The following PCDHGA5 variants were observed in gnomAD, a reference collection of about 807,000 sequenced individuals.
PCDHGA5 encodes the protein protocadherin gamma-A5.
Under a neutral mutation model 56.7 loss-of-function variants are expected in PCDHGA5, and 36 were observed. The observed-to-expected ratio is 0.64, with a 90% CI of 0.49 to 0.84. PCDHGA5 has a LOEUF of 0.84. PCDHGA5 is among the 40% of genes least tolerant of loss of function. PCDHGA5 has a pLI of 0.00. For missense variants in PCDHGA5, 1,305 were observed against 1,201.5 expected, an observed-to-expected ratio of 1.09 and a Z score of -1.27; for synonymous variants, 563 against 520.2, an observed-to-expected ratio of 1.08 and a Z score of -1.12.
chr5:141,376,859 T>C, intron 1 of PCDHGA5: 1 of 231,414 alleles, frequency 4.3e-6, no homozygotes, highest in South Asian at 6.4e-5. Context: ...GCTAATTTTT[T>C]TGTATTTTTA....
intron 1 of PCDHGA5, chr5:141,382,771 A>G: frequency 1.3e-6 from 1 of 753,180 alleles, no homozygotes; most frequent in Non-Finnish European, 2.1e-6. Flanking sequence ...TCCAGGCTGC[A>G]CTAAACTCAA....
chr5:141,489,723 T>C lies in PCDHGA5; in HGVS notation c.2422-5084T>C, dbSNP rs900332220. ...CACTGGACAGTGCCCAGGATCCGGA[T>C]GTGGGCACCAATACTGTGAGCTTTT... On this transcript the variant is annotated intron_variant, in intron 1 of 3. Coordinates refer to ENST00000518069, the MANE Select transcript of PCDHGA5 (RefSeq NM_018918.3). This position sits in a 1 kb window ranked among gnomAD's most constrained non-coding sequence, Gnocchi z 4.5. 4.3e-6 allele frequency: 7 copies of C among 1,613,958 alleles called. No homozygotes were observed. The highest frequency in any genetic ancestry group is 5.9e-6 in the Non-Finnish European group (7 of 1,179,940).
chr5:141,374,528 T>A (rs759567011), intron 1 of PCDHGA5: 1 of 1,613,048 alleles, frequency 6.2e-7, no homozygotes. Flanking sequence ...CGCAGCTCCA[T>A]CCTCTCGTTT....
intron 1 of PCDHGA5, among the ~76,000 whole-genome samples, chr5:141,381,361 G>T (rs1050283609): frequency 2.0e-5 from 3 of 152,198 alleles, no homozygotes; most frequent in Non-Finnish European, 4.4e-5. Context: ...CTAGCAGAGG[G>T]TAGCCTCGGA....
chr5:141,399,617 TGGCCTCTTACGTGTCCATGAGC>T, intron 1 of PCDHGA5: 4 of 1,613,944 alleles, frequency 2.5e-6, no homozygotes. Flanking sequence ...CCTCTGGCAC[TGGCCTCTTACGTGTCCATGAGC>T]GCGCAAAGTG....
chr5:141,392,804 CA>C (rs1345839746), intron 1 of PCDHGA5: 1 of 1,573,894 alleles, frequency 6.4e-7, no homozygotes, highest in African/African-American at 1.4e-5. Flanking sequence ...GATTCTGCAG[CA>C]AAACAACAAT....
At chr5:141,404,855 A>G (rs370062374) in intron 1 of PCDHGA5, 13 of 1,613,704 alleles carry the variant, frequency 8.1e-6, no homozygotes, top group African/African-American at 2.7e-5. Flanking sequence ...CCTGCTAGAT[A>G]GAGATGCGCT....
intron 1 of PCDHGA5, chr5:141,389,630 T>G: frequency 6.2e-7 from 1 of 1,612,990 alleles, no homozygotes; most frequent in South Asian, 1.1e-5. Context: ...CTGCAGAGCC[T>G]GGCTACTTGG....
At chr5:141,390,066 G>A (rs2092035559) in intron 1 of PCDHGA5, 2 of 1,614,052 alleles carry the variant, frequency 1.2e-6, no homozygotes, top group East Asian at 2.2e-5. Flanking sequence ...CTTCCAGCCT[G>A]GTCTCTGTGT....
intron 1 of PCDHGA5, chr5:141,427,300 A>G: frequency 2.2e-6 from 1 of 456,912 alleles, no homozygotes; most frequent in Non-Finnish European, 4.4e-6. Flanking sequence ...CTAGATGAGA[A>G]TGACAATGCC....
At chr5:141,444,473 G>C (rs943971075) in intron 1 of PCDHGA5, among the ~76,000 whole-genome samples, 6 of 151,972 alleles carry the variant, frequency 3.9e-5, no homozygotes, top group South Asian at 2.1e-4. Flanking sequence ...GCCCGGTCGC[G>C]TACTGGATTT....
At chr5:141,440,841 A>G (rs1361003883) in intron 1 of PCDHGA5, 5 of 152,114 alleles carry the variant, frequency 3.3e-5, no homozygotes, top group Admixed American at 1.3e-4. Flanking sequence ...GTTGAAGCCA[A>G]TGACAACCCT....
chr5:141,501,635 T>G (rs553343946), intron 2 of PCDHGA5, among the ~76,000 whole-genome samples: 1 of 152,236 alleles, frequency 6.6e-6, no homozygotes, highest in African/African-American at 2.4e-5. Flanking sequence ...TCTCAACCTC[T>G]CTGAGCCCTG....
Position 141,489,384 on chromosome 5 carries a change from T to C in PCDHGA5, c.2422-5423T>C, listed in dbSNP as rs2099686499. The stretch of plus-strand genomic sequence containing the variant: ...AGCCGGGGACGCTGGTGGGGAATGT[T>C]GCTCAGGATCTGGGCTTAAAGATGA... On this transcript the variant is annotated intron_variant, in intron 1 of 3. Transcript: ENST00000518069. The surrounding 1 kb of genome is among the most constrained non-coding windows in gnomAD (Gnocchi z 4.5). 1 of 1,613,986 alleles carries C rather than the reference T, an allele frequency of 6.2e-7. No individual in the cohort carries two copies. The highest frequency in any genetic ancestry group is 8.5e-7 in the Non-Finnish European group (1 of 1,179,842).
In PCDHGA5 at chr5:141,393,848, A is replaced by G. The variant is rs1368797606; in HGVS notation, c.2421+27097A>G. Reference sequence around the variant, plus strand: ...TGGAAGATGTAAATGACAATAGACCAGAAGTGATCATTACGTCTTTGTTTA... The same window carrying G: ...TGGAAGATGTAAATGACAATAGACCGGAAGTGATCATTACGTCTTTGTTTA... On this transcript the variant is annotated intron_variant, in intron 1 of 3. Transcript: ENST00000518069. 2.5e-6 allele frequency: 4 copies of G among 1,614,008 alleles called. No individual in the cohort carries two copies. The South Asian group carries it at 4.4e-5, about 18-fold the overall frequency.
chr5:141,389,177 C>T, intron 1 of PCDHGA5: 1 of 1,614,052 alleles, frequency 6.2e-7, no homozygotes. Context: ...CTCCCCTCTC[C>T]TCCAGTTCCA....
chr5:141,371,611 C>G (rs561217101), intron 1 of PCDHGA5: 1 of 1,613,996 alleles, frequency 6.2e-7, no homozygotes, highest in Non-Finnish European at 8.5e-7. Context: ...AGGTTGGTGA[C>G]AGATGGAGCC....
chr5:141,405,164 T>C, intron 1 of PCDHGA5: 1 of 1,614,076 alleles, frequency 6.2e-7, no homozygotes, highest in East Asian at 2.2e-5. Flanking sequence ...TGTGCCCACC[T>C]CACACTTTGT....
chr5:141,464,377 T>A (rs1410334231), intron 1 of PCDHGA5, among the ~76,000 whole-genome samples: 3 of 151,486 alleles, frequency 2.0e-5, no homozygotes, highest in Admixed American at 2.0e-4. Flanking sequence ...TTTTGCAATA[T>A]AAAAAATGCT....
Sources: allele counts gnomAD v4.1 joint callset (sites outside exome capture counted in the v4.1 genomes callset), GRCh38; gene constraint gnomAD v4.1.1; non-coding constraint Gnocchi (gnomAD v3.1); transcripts MANE v1.5; gene names NCBI Gene and HGNC (gene_info 2026-07-23, HGNC 2026-07-21).